DNM3: variants seen among roughly 807,000 people sequenced by gnomAD.
The protein encoded by DNM3 is dynamin-3.
A neutral mutation model predicts 101.6 loss-of-function variants in DNM3; 47 were observed. That is an observed-to-expected ratio of 0.46 (90% CI 0.37 to 0.59). The LOEUF (loss-of-function observed/expected upper bound fraction) is 0.59, where lower values mean the gene tolerates loss of function less well. Ranked by LOEUF, DNM3 falls within the 20% of genes least tolerant of loss-of-function variation. The pLI is 0.00. For missense variants in DNM3, 849 were observed against 1,085.7 expected (o/e 0.78, Z 3.06); for synonymous variants, 385 against 387.9 (o/e 0.99, Z 0.09).
At chr1:172,088,226 G>T (rs2053665589) in intron 12 of DNM3, among the ~76,000 whole-genome samples, 2 of 152,116 alleles carry the variant, frequency 1.3e-5, no homozygotes, top group Non-Finnish European at 2.9e-5. Context: ...TAAAATACAG[G>T]CACAGACCAA....
rs780223415 is a variant in DNM3, at chr1:172,388,748, T to C, written c.2461T>C (p.Ser821Pro). The change falls in exon 20 of 21, where the codon TCC becomes CCC. Residue 821 changes from serine to proline, a missense_variant. Physicochemically the swap from Ser to Pro is moderately conservative, Grantham distance 74 (BLOSUM62 -1). Coordinates refer to ENST00000627582, the MANE Select transcript of DNM3 (RefSeq NM_015569.5). ...PLPPFPSSSD[S>P]FGAPPQVPSR... ...ACCTCCTTTCCCCAGCAGCAGTGAC[T>C]CCTTCGGAGCCCCTCCACAAGTTCC... is the stretch of plus-strand genomic sequence containing the variant. 4 of 1,611,278 alleles carry C rather than the reference T, an allele frequency of 2.5e-6. No individual in the cohort carries two copies. In the Admixed American group the frequency reaches 6.7e-5, roughly 27 times the overall value.
chr1:172,416,171 A>G (rs963947950), downstream of DNM3, among the ~76,000 whole-genome samples: 1 of 152,206 alleles, frequency 6.6e-6, no homozygotes, highest in African/African-American at 2.4e-5. Flanking sequence ...AGAATTTGTT[A>G]GCAACTCAGT....
chr1:172,057,205 A>G (rs2050716274), intron 10 of DNM3, among the ~76,000 whole-genome samples: 1 of 152,222 alleles, frequency 6.6e-6, no homozygotes, highest in African/African-American at 2.4e-5. Flanking sequence ...GAAAAGACCA[A>G]ATCTACATCT....
At chr1:172,267,427 A>T (rs940606579) in intron 15 of DNM3, among the ~76,000 whole-genome samples, 11 of 152,188 alleles carry the variant, frequency 7.2e-5, no homozygotes, top group Admixed American at 3.9e-4. Context: ...ACAGATTCAG[A>T]CTCTCAGAGG....
chr1:171,943,143 A>G (rs1418228023), intron 2 of DNM3, among the ~76,000 whole-genome samples: 1 of 152,102 alleles, frequency 6.6e-6, no homozygotes, highest in Non-Finnish European at 1.5e-5. Flanking sequence ...TAAAAAAAGA[A>G]AAAGAAAAAG....
chr1:172,374,299 T>G (rs1485865889), intron 17 of DNM3, among the ~76,000 whole-genome samples: 1 of 152,124 alleles, frequency 6.6e-6, no homozygotes, highest in East Asian at 1.9e-4. Flanking sequence ...GTGCACTCAG[T>G]AATTCATGTG....
At chr1:172,379,477 A>G (rs1298766187) in intron 18 of DNM3, among the ~76,000 whole-genome samples, 1 of 152,060 alleles carries the variant, frequency 6.6e-6, no homozygotes, top group Non-Finnish European at 1.5e-5. Flanking sequence ...GCATCATGTA[A>G]ATTAATTGCA....
chr1:172,127,602 G>A (rs1021955836), intron 13 of DNM3, among the ~76,000 whole-genome samples: 5 of 151,508 alleles, frequency 3.3e-5, no homozygotes, highest in South Asian at 2.1e-4. Flanking sequence ...GTAGAGATAG[G>A]GTTTCACCAT....
intron 13 of DNM3, among the ~76,000 whole-genome samples, chr1:172,104,032 A>G (rs953187396): frequency 6.6e-6 from 1 of 152,124 alleles, no homozygotes; most frequent in Non-Finnish European, 1.5e-5. Flanking sequence ...CCTTATACCT[A>G]TTTAACAGAC....
intron 13 of DNM3, among the ~76,000 whole-genome samples, chr1:172,121,507 A>G (rs954468810): frequency 1.1e-4 from 16 of 152,232 alleles, no homozygotes; most frequent in African/African-American, 3.9e-4. Context: ...ATGTTTTGGA[A>G]GCGAAGCTCA....
intron 2 of DNM3, among the ~76,000 whole-genome samples, chr1:171,984,050 C>T (rs770241768): frequency 3.3e-5 from 5 of 152,168 alleles, no homozygotes; most frequent in African/African-American, 7.2e-5. Context: ...TTCTCTTTCT[C>T]TCATATCGCA....
At chr1:171,950,937 C>CCTCCTCCTCCTCCTT in intron 2 of DNM3, among the ~76,000 whole-genome samples, 1 of 151,938 alleles carries the variant, frequency 6.6e-6, no homozygotes, top group Non-Finnish European at 1.5e-5. Flanking sequence ...TCTTCCTCTT[C>CCTCCTCCTCCTCCTT]CTCCTCCTCC....
At chr1:172,025,677 C>G (rs1255088347) in intron 4 of DNM3, among the ~76,000 whole-genome samples, 1 of 152,182 alleles carries the variant, frequency 6.6e-6, no homozygotes. Context: ...TGGAGTGGAC[C>G]TCCAGCAAAC....
At chr1:172,099,277 A>G (rs558236431) in intron 13 of DNM3, among the ~76,000 whole-genome samples, 30 of 152,304 alleles carry the variant, frequency 2.0e-4, no homozygotes, top group South Asian at 6.2e-4. Flanking sequence ...TAATAATTCA[A>G]TGAAGGTCAT....
chr1:171,941,769 C>T (rs936056038), intron 2 of DNM3, among the ~76,000 whole-genome samples: 4 of 152,108 alleles, frequency 2.6e-5, no homozygotes, highest in Admixed American at 6.6e-5. Flanking sequence ...TTGAATGAAC[C>T]CCTAACCAAA....
chr1:171,944,663 C>A (rs1326656429), intron 2 of DNM3, among the ~76,000 whole-genome samples: 1 of 151,906 alleles, frequency 6.6e-6, no homozygotes, highest in Non-Finnish European at 1.5e-5. Flanking sequence ...TGTGAGCCAC[C>A]ATGCCCAGCC....
intron 20 of DNM3, among the ~76,000 whole-genome samples, chr1:172,396,577 C>T (rs7544610): frequency 0.18 from 27,932 of 152,020 alleles, 4,680 homozygotes; most frequent in African/African-American, 0.45. Context: ...CAGGAGAATC[C>T]CTCAGCTTCT....
At chr1:172,133,946 A>G (rs2057080698) in intron 14 of DNM3, among the ~76,000 whole-genome samples, 1 of 152,200 alleles carries the variant, frequency 6.6e-6, no homozygotes, top group Non-Finnish European at 1.5e-5. Context: ...AGGATAACTG[A>G]AAATGATTGG....
intron 20 of DNM3, among the ~76,000 whole-genome samples, chr1:172,391,806 G>A (rs751740165): frequency 4.6e-5 from 7 of 152,012 alleles, no homozygotes; most frequent in Non-Finnish European, 1.0e-4. Context: ...AGCACAAAAG[G>A]TGTCCCGCCA....
Sources: gnomAD v4.1 joint callset for allele counts (sites outside exome capture counted in the v4.1 genomes callset) on GRCh38, gnomAD v4.1.1 for gene constraint, MANE v1.5 for transcripts, NCBI Gene and HGNC (gene_info 2026-07-23, HGNC 2026-07-21) for gene names.